The following PCDHGA5 variants were observed in gnomAD, a reference collection of about 807,000 sequenced individuals.
The protein encoded by PCDHGA5 is protocadherin gamma subfamily A, 5.
Under a neutral mutation model 56.7 loss-of-function variants are expected in PCDHGA5, and 36 were observed. The observed-to-expected ratio is 0.64, with a 90% CI of 0.49 to 0.84. PCDHGA5 has a LOEUF of 0.84. Among genes scored for constraint, PCDHGA5 ranks in the 40% least tolerant of loss-of-function variants. The pLI is 0.00. For missense variants in PCDHGA5, 1,305 were observed against 1,201.5 expected, an observed-to-expected ratio of 1.09 and a Z score of -1.27; for synonymous variants, 563 against 520.2, an observed-to-expected ratio of 1.08 and a Z score of -1.12.
chr5:141,484,004 G>C (rs1042457090), intron 1 of PCDHGA5, among the ~76,000 whole-genome samples: 5 of 146,164 alleles, frequency 3.4e-5, no homozygotes, highest in Non-Finnish European at 4.5e-5. Flanking sequence ...AGGTCTGGAT[G>C]AGGGTGGGGG....
At chr5:141,478,570 G>T (rs1255499966) in intron 1 of PCDHGA5, 1 of 1,590,156 alleles carries the variant, frequency 6.3e-7, no homozygotes, top group Admixed American at 1.8e-5. Context: ...AGTCATGCTT[G>T]ACCCTGTTAG....
Position 141,403,985 on chromosome 5 carries a change from C to T in PCDHGA5, c.2421+37234C>T, listed in dbSNP as rs765326042. The T allele has an allele frequency of 5.7e-5, 92 of 1,613,546 alleles. No individual in the cohort carries two copies. The Admixed American group carries it at 7.2e-4, about 13-fold the overall frequency. On this transcript the variant is annotated intron_variant, in intron 1 of 3. Coordinates refer to ENST00000518069, the MANE Select transcript of PCDHGA5 (RefSeq NM_018918.3). ...GGTGGAAGATGTAAATGACAATAGA[C>T]CTGAAGTGACCATTACATCTCTGTT...
At chr5:141,413,572 A>C in intron 1 of PCDHGA5, 2 of 1,613,890 alleles carry the variant, frequency 1.2e-6, no homozygotes, top group Non-Finnish European at 1.7e-6. Context: ...TATCAATGAC[A>C]ATGCTCCAAA....
rs775012950 is a variant in PCDHGA5, at chr5:141,428,225, A to T, written c.2421+61474A>T. On this transcript the variant is annotated intron_variant, in intron 1 of 3. Coordinates refer to ENST00000518069, the MANE Select transcript of PCDHGA5 (RefSeq NM_018918.3). ...GCTACGCTTCACCTAGTCTTCGCAG[A>T]CAGCCTGCAGGAGGCACTGCCAGAC... is the stretch of plus-strand genomic sequence containing the variant. 19 of 1,156,574 alleles carry T rather than the reference A, an allele frequency of 1.6e-5. No homozygotes were observed. In the Admixed American group the frequency reaches 3.1e-4, roughly 19 times the overall value. 71.6% of individuals were successfully genotyped at this position (1,156,574 alleles called of 1,614,324 possible).
At chr5:141,459,075 G>T (rs562572838) in intron 1 of PCDHGA5, among the ~76,000 whole-genome samples, 1 of 152,134 alleles carries the variant, frequency 6.6e-6, no homozygotes, top group Non-Finnish European at 1.5e-5. Context: ...CATAAAATTT[G>T]CCTTTTAAAA....
intron 1 of PCDHGA5, chr5:141,387,603 C>G (rs905416609): frequency 1.8e-6 from 1 of 544,680 alleles, no homozygotes; most frequent in African/African-American, 1.9e-5. Context: ...GCAGCAGAGG[C>G]TGTAGTTTCC....
intron 1 of PCDHGA5, chr5:141,384,779 G>A (rs1252058358): frequency 6.2e-6 from 10 of 1,613,592 alleles, no homozygotes; most frequent in East Asian, 2.2e-5. Context: ...GGCGAGGTGC[G>A]CACGGCTCGG....
At chr5:141,403,574 C>A (rs1441332710) in intron 1 of PCDHGA5, 1 of 1,613,960 alleles carries the variant, frequency 6.2e-7, no homozygotes, top group Admixed American at 1.7e-5. Flanking sequence ...GGCAACTGCC[C>A]ACCACCTGGT....
intron 1 of PCDHGA5, among the ~76,000 whole-genome samples, chr5:141,438,579 CATACATACATACAT>C (rs1434774868): frequency 9.0e-5 from 5 of 55,782 alleles, no homozygotes; most frequent in Admixed American, 2.8e-4. Context: ...GATATACATA[CATACATACATACAT>C]ATATATATAT....
chr5:141,462,824 A>T (rs1561993844), intron 1 of PCDHGA5, among the ~76,000 whole-genome samples: 1 of 152,158 alleles, frequency 6.6e-6, no homozygotes, highest in Non-Finnish European at 1.5e-5. Flanking sequence ...TGGACAGCAG[A>T]CATTGTAAAT....
At chr5:141,463,324 T>C (rs1413608053) in intron 1 of PCDHGA5, among the ~76,000 whole-genome samples, 1 of 150,722 alleles carries the variant, frequency 6.6e-6, no homozygotes, top group Non-Finnish European at 1.5e-5. Context: ...ATTCCTCAAC[T>C]CAGCAAAACC....
At chr5:141,378,646 T>C (rs1429624109) in intron 1 of PCDHGA5, 2 of 152,184 alleles carry the variant, frequency 1.3e-5, no homozygotes. Flanking sequence ...GGAGAACAAA[T>C]GTTAATGAGG....
At position 141,432,207 on chromosome 5, in the gene PCDHGA5, A is replaced by G. The variant is rs1181424938; in HGVS notation, c.2422-62600A>G. 3 of 1,614,176 alleles carry G rather than the reference A, an allele frequency of 1.9e-6. No homozygotes were observed. The highest frequency in any genetic ancestry group is 2.5e-6 in the Non-Finnish European group (3 of 1,180,026). ...ACCGCCCACGACCCCGACTGTGAAG[A>G]GAACGCCCAGATCACTTATTCCCTG... On this transcript the variant is annotated intron_variant, in intron 1 of 3. Transcript: ENST00000518069. The surrounding 1 kb of genome is among the most constrained non-coding windows in gnomAD (Gnocchi z 6.0).
At chr5:141,381,078 T>C (rs1776973656) in intron 1 of PCDHGA5, among the ~76,000 whole-genome samples, 1 of 152,250 alleles carries the variant, frequency 6.6e-6, no homozygotes, top group African/African-American at 2.4e-5. Flanking sequence ...ATGGATTATT[T>C]TGATAGATCA....
intron 1 of PCDHGA5, among the ~76,000 whole-genome samples, chr5:141,433,837 C>CA (rs56191208): frequency 0.14 from 15,134 of 111,544 alleles, 1,164 homozygotes; most frequent in African/African-American, 0.25. Context: ...AACTCTATCT[C>CA]AAAAAAAAAA....
At chr5:141,393,259 G>A in intron 1 of PCDHGA5, 1 of 1,613,874 alleles carries the variant, frequency 6.2e-7, no homozygotes, top group Non-Finnish European at 8.5e-7. Context: ...GCGGTTCCTG[G>A]AGCACGTTAT....
In PCDHGA5 at chr5:141,418,608, GC is replaced by G. The variant is rs1422456031; in HGVS notation, c.2421+51859del. On this transcript the variant is annotated intron_variant, in intron 1 of 3. Transcript: ENST00000518069. Reference sequence around the variant, plus strand: ...TTCAGCCAGGACGTGTACAGGGTTAGCCTTCGGGAAGACGTGCCTCCAGGCA... The same window carrying G: ...TTCAGCCAGGACGTGTACAGGGTTAGCTTCGGGAAGACGTGCCTCCAGGCA... 4 of 1,613,922 alleles carry G rather than the reference GC, an allele frequency of 2.5e-6. No individual in the cohort carries two copies. In the African/African-American group the frequency reaches 5.3e-5, roughly 22 times the overall value.
chr5:141,384,600 C>T, intron 1 of PCDHGA5: 1 of 1,614,248 alleles, frequency 6.2e-7, no homozygotes, highest in Non-Finnish European at 8.5e-7. Flanking sequence ...ACCCGGCCCT[C>T]CCCACAGATG....
At chr5:141,388,324 A>T in intron 1 of PCDHGA5, 1 of 1,613,978 alleles carries the variant, frequency 6.2e-7, no homozygotes, top group East Asian at 2.2e-5. Flanking sequence ...GAGTCTGCAC[A>T]GCCTGGCACA....
Sources: allele counts gnomAD v4.1 joint callset (sites outside exome capture counted in the v4.1 genomes callset), GRCh38; gene constraint gnomAD v4.1.1; non-coding constraint Gnocchi (gnomAD v3.1); transcripts MANE v1.5; gene names NCBI Gene and HGNC (gene_info 2026-07-23, HGNC 2026-07-21).